RANBP2: variants seen among roughly 807,000 people sequenced by gnomAD.
RANBP2 encodes E3 SUMO-protein ligase RanBP2.
A neutral mutation model predicts 303.6 loss-of-function variants in RANBP2; 57 were observed. The ratio of observed to expected loss-of-function variants is 0.19; its 90% CI spans 0.15 to 0.23. The LOEUF (loss-of-function observed/expected upper bound fraction) is 0.23, where lower values mean the gene tolerates loss of function less well. Among genes scored for constraint, RANBP2 ranks in the 10% least tolerant of loss-of-function variants. The pLI is 1.00. For missense variants in RANBP2, 3,138 were observed against 3,780.8 expected (o/e 0.83, Z 4.46); for synonymous variants, 1,167 against 1,301.5 (o/e 0.90, Z 2.23).
the RANBP2 span, among the ~76,000 whole-genome samples, chr2:109,064,580 G>A: frequency 6.6e-6 from 1 of 151,938 alleles, no homozygotes; most frequent in Non-Finnish European, 1.5e-5. Flanking sequence ...GGTGTTAAAT[G>A]TGCTGTAATG....
the RANBP2 span, among the ~76,000 whole-genome samples, chr2:109,254,951 A>G: frequency 3.3e-5 from 5 of 152,186 alleles, no homozygotes; most frequent in Admixed American, 2.0e-4. Flanking sequence ...CTGGAAGGAT[A>G]TTGAACACCT....
At chr2:108,908,439 A>G in the RANBP2 span, among the ~76,000 whole-genome samples, 139,216 of 152,258 alleles carry the variant, frequency 0.91, 63,722 homozygotes, top group East Asian at 1. Flanking sequence ...AGATTGATGC[A>G]GCTGGCGCTG....
chr2:108,871,972 A>G, the RANBP2 span, among the ~76,000 whole-genome samples: 1 of 151,908 alleles, frequency 6.6e-6, no homozygotes, highest in African/African-American at 2.4e-5. Flanking sequence ...TTTTTTCTTA[A>G]TTTTGAATGA....
At chr2:109,417,372 C>A in the RANBP2 span, among the ~76,000 whole-genome samples, 1 of 152,288 alleles carries the variant, frequency 6.6e-6, no homozygotes, top group South Asian at 2.1e-4. Context: ...TTGGGGACAC[C>A]TCCTCTTCCC....
chr2:109,449,559 T>C, the RANBP2 span: 2 of 1,532,316 alleles, frequency 1.3e-6, no homozygotes, highest in Non-Finnish European at 1.8e-6. Flanking sequence ...TGGCACTAGA[T>C]GGCAGTGGCA....
the RANBP2 span, among the ~76,000 whole-genome samples, chr2:109,020,750 G>A: frequency 0.015 from 2,251 of 152,316 alleles, 50 homozygotes; most frequent in African/African-American, 0.051. Context: ...ACATCAGGGC[G>A]CATTTTTAGT....
At chr2:109,263,609 A>G in the RANBP2 span, among the ~76,000 whole-genome samples, 2 of 152,314 alleles carry the variant, frequency 1.3e-5, no homozygotes, top group East Asian at 3.9e-4. Context: ...GAGCAAAGCT[A>G]ATAGATGAAC....
chr2:109,616,930 G>T, the RANBP2 span: 2 of 167,066 alleles, frequency 1.2e-5, no homozygotes, highest in South Asian at 2.1e-4. Flanking sequence ...ATTTGCTGGG[G>T]TGTTTATTCT....
At chr2:109,362,986 A>T in the RANBP2 span, among the ~76,000 whole-genome samples, 2 of 152,104 alleles carry the variant, frequency 1.3e-5, no homozygotes, top group African/African-American at 2.4e-5. Context: ...AACAACATAT[A>T]GTTGTATCTT....
the RANBP2 span, among the ~76,000 whole-genome samples, chr2:109,055,918 C>A: frequency 6.7e-6 from 1 of 150,320 alleles, no homozygotes; most frequent in South Asian, 2.1e-4. Context: ...CCCCAGCACG[C>A]CCAGCTAATT....
chr2:109,231,511 A>G, the RANBP2 span, among the ~76,000 whole-genome samples: 1 of 152,272 alleles, frequency 6.6e-6, no homozygotes, highest in Admixed American at 6.5e-5. Context: ...TCTATGAAGA[A>G]TAAATATCGT....
At chr2:109,115,389 CTTCT>C in the RANBP2 span, among the ~76,000 whole-genome samples, 1 of 152,092 alleles carries the variant, frequency 6.6e-6, no homozygotes, top group Admixed American at 6.5e-5. Context: ...ATGTAATGGC[CTTCT>C]TTGTCTCTTT....
chr2:109,413,124 A>G, the RANBP2 span, among the ~76,000 whole-genome samples: 1 of 152,118 alleles, frequency 6.6e-6, no homozygotes, highest in South Asian at 2.1e-4. Flanking sequence ...TTTTATATAT[A>G]TATTTTTTGA....
the RANBP2 span, among the ~76,000 whole-genome samples, chr2:109,403,661 C>A: frequency 6.6e-6 from 1 of 152,224 alleles, no homozygotes; most frequent in African/African-American, 2.4e-5. Flanking sequence ...TGAGGCCAGG[C>A]TCAATGCAGG....
At chr2:109,033,168 A>G in the RANBP2 span, among the ~76,000 whole-genome samples, 1 of 152,236 alleles carries the variant, frequency 6.6e-6, no homozygotes, top group Non-Finnish European at 1.5e-5. Context: ...CTAGGAAGGA[A>G]TAACAAAGCC....
the RANBP2 span, among the ~76,000 whole-genome samples, chr2:108,825,061 A>G: frequency 6.6e-6 from 1 of 152,222 alleles, no homozygotes; most frequent in South Asian, 2.1e-4. Flanking sequence ...TCCTGCCAGA[A>G]AACAAGTTAC....
the RANBP2 span, among the ~76,000 whole-genome samples, chr2:109,695,445 T>A: frequency 6.6e-6 from 1 of 152,204 alleles, no homozygotes; most frequent in Non-Finnish European, 1.5e-5. Context: ...AGATGCAGCA[T>A]GAAAGCTTAT....
At chr2:109,089,899 G>A in the RANBP2 span, among the ~76,000 whole-genome samples, 20 of 152,138 alleles carry the variant, frequency 1.3e-4, no homozygotes, top group Admixed American at 1.2e-3. Context: ...GGGCATCATC[G>A]CATGGCAGGC....
chr2:109,236,882 CT>C, the RANBP2 span, among the ~76,000 whole-genome samples: 1 of 152,186 alleles, frequency 6.6e-6, no homozygotes, highest in African/African-American at 2.4e-5. Flanking sequence ...GTGACCTGTA[CT>C]TACAGCTCAG....
Sources: gnomAD v4.1 joint callset for allele counts (sites outside exome capture counted in the v4.1 genomes callset) on GRCh38, gnomAD v4.1.1 for gene constraint, MANE v1.5 for transcripts, NCBI Gene and HGNC (gene_info 2026-07-23, HGNC 2026-07-21) for gene names.